LRCH2: variants seen among roughly 807,000 people sequenced by gnomAD.
The protein encoded by LRCH2 is leucine-rich repeat and calponin homology domain-containing protein 2.
In LRCH2, 38 loss-of-function variants were observed where a neutral mutation model predicts 68.9. That is an observed-to-expected ratio of 0.55 (90% CI 0.43 to 0.72). The LOEUF is 0.72. LRCH2 is among the 30% of genes least tolerant of loss of function. The pLI is 0.00. For synonymous variants in LRCH2, 191 were observed against 208.1 expected, an observed-to-expected ratio of 0.92 and a Z score of 0.71; for missense variants, 528 against 572.9, an observed-to-expected ratio of 0.92 and a Z score of 0.80.
chrX:115,114,317 T>C (rs1243852032), intron 20 of LRCH2, among the ~76,000 whole-genome samples: 1 of 111,273 alleles, frequency 9.0e-6, no homozygotes, highest in Non-Finnish European at 1.9e-5. Flanking sequence ...CCATCTTCAC[T>C]GCTATATTTG....
At chrX:115,206,148 A>G (rs1198763156) in intron 1 of LRCH2, among the ~76,000 whole-genome samples, 2 of 112,423 alleles carry the variant, frequency 1.8e-5, no homozygotes, top group East Asian at 5.6e-4. Flanking sequence ...ACAAAGTAAT[A>G]TTAGAAGCTC....
chrX:115,130,188 C>A lies in LRCH2; in HGVS notation c.1707G>T (p.Met569Ile). 1 of 1,025,962 alleles carries A rather than the reference C, an allele frequency of 9.7e-7. No homozygotes were observed. The highest frequency in any genetic ancestry group is 1.9e-5 in the African/African-American group (1 of 53,372). 84.6% of individuals were successfully genotyped at this position (1,025,962 alleles called of 1,213,427 possible). A position where few individuals can be genotyped will look rare whatever the true frequency, so the allele number is the denominator to read the frequency against. The change falls in exon 15 of 21, where the codon ATG (methionine) becomes ATT (isoleucine). Residue 569 changes from methionine (M) to isoleucine (I), a missense_variant. Physicochemically the swap from Met to Ile is conservative, Grantham distance 10. Transcript: ENST00000317135. ...IRKEYFKYKSMRKSSSGNEND... is the reference protein window; with the variant it reads ...IRKEYFKYKSIRKSSSGNEND... ...TTTCATTGCCACTTGAACTCTTCCT[C>A]ATTGATTTATACTGAAAAATATTTA...
At chrX:115,174,600 CCCACACA>C (rs781956569) in intron 5 of LRCH2, among the ~76,000 whole-genome samples, 19 of 87,218 alleles carry the variant, frequency 2.2e-4, no homozygotes, top group African/African-American at 6.7e-4. Flanking sequence ...CACCCCCCCC[CCCACACA>C]CACACACACA....
intron 1 of LRCH2, among the ~76,000 whole-genome samples, chrX:115,194,040 A>AC (rs1556562370): frequency 9.0e-6 from 1 of 110,982 alleles, no homozygotes; most frequent in Non-Finnish European, 1.9e-5. Flanking sequence ...GTAATGCTCA[A>AC]CTTCCTCATT....
chrX:115,145,264 C>T (rs1204920776), intron 14 of LRCH2, among the ~76,000 whole-genome samples: 1 of 111,420 alleles, frequency 9.0e-6, no homozygotes, highest in Non-Finnish European at 1.9e-5. Context: ...TGAAACTAGG[C>T]CCCTATCTCT....
chrX:115,218,011 G>T (rs1477257348), intron 1 of LRCH2, among the ~76,000 whole-genome samples: 1 of 111,284 alleles, frequency 9.0e-6, no homozygotes, highest in African/African-American at 3.3e-5. Flanking sequence ...ATGTTTGTTG[G>T]CTGCATAAAT....
chrX:115,195,239 G>A (rs986975287), intron 1 of LRCH2, among the ~76,000 whole-genome samples: 1 of 108,496 alleles, frequency 9.2e-6, no homozygotes, highest in Admixed American at 9.9e-5. Flanking sequence ...AGCCGAGATC[G>A]TGCCACTGCA....
At chrX:115,118,233 G>T (rs1001475196) in intron 20 of LRCH2, among the ~76,000 whole-genome samples, 2 of 109,249 alleles carry the variant, frequency 1.8e-5, no homozygotes, top group African/African-American at 3.3e-5. Flanking sequence ...CCAGGAGCTG[G>T]TTTTTTGAAA....
chrX:115,134,131 T>C (rs2072269178), intron 14 of LRCH2, among the ~76,000 whole-genome samples: 1 of 112,328 alleles, frequency 8.9e-6, no homozygotes, highest in African/African-American at 3.2e-5. Context: ...CAACATTCCC[T>C]TAAGACAAAG....
intron 1 of LRCH2, among the ~76,000 whole-genome samples, chrX:115,223,688 G>C (rs782101581): frequency 9.1e-6 from 1 of 109,793 alleles, no homozygotes; most frequent in East Asian, 2.9e-4. Context: ...AGCTGAGGCA[G>C]GTGGATCACC....
Position 115,111,905 on chromosome X carries a change from T to C in LRCH2, c.*1311A>G, listed in dbSNP as rs1556522834. 8.9e-6 allele frequency: 1 copy of C among 112,214 alleles called. No homozygotes were observed. 9.2% of individuals were successfully genotyped at this position (112,214 alleles called of 1,213,427 possible). ...TGATCACATACTTAAGATATGATGCTTGCTTGGTTACTACAAAAGTAATTA... is the reference window on the plus strand; with the variant it reads ...TGATCACATACTTAAGATATGATGCCTGCTTGGTTACTACAAAAGTAATTA... On this transcript the variant is annotated 3_prime_UTR_variant, in exon 21 of 21. Transcript: ENST00000317135.
chrX:115,188,197 C>A, intron 2 of LRCH2, 29 bp downstream of exon 2: 1 of 1,060,375 alleles, frequency 9.4e-7, no homozygotes, highest in South Asian at 2.7e-5. Flanking sequence ...CAATAAAAAC[C>A]AAAATTTATT....
chrX:115,219,025 C>T (rs1260315587), intron 1 of LRCH2, among the ~76,000 whole-genome samples: 1 of 111,828 alleles, frequency 8.9e-6, no homozygotes, highest in Non-Finnish European at 1.9e-5. Flanking sequence ...ATTTTATTTG[C>T]ATGTTAAGAT....
At chrX:115,146,902 TACATACACACACACACACACACAC>T (rs2072388091) in intron 14 of LRCH2, among the ~76,000 whole-genome samples, 1 of 53,901 alleles carries the variant, frequency 1.9e-5, no homozygotes, top group Non-Finnish European at 3.3e-5. Context: ...ATTTCTTACA[TACATACACACACACACACACACAC>T]ACACACACAC....
At chrX:115,124,092 A>G in intron 16 of LRCH2, 90 bp from the exon 17 acceptor site, 1 of 453,672 alleles carries the variant, frequency 2.2e-6, no homozygotes, top group Non-Finnish European at 3.4e-6. Flanking sequence ...ATCCATTCCA[A>G]TTTGGGGAAA....
chrX:115,207,646 C>T (rs2072978475), intron 1 of LRCH2, among the ~76,000 whole-genome samples: 1 of 112,018 alleles, frequency 8.9e-6, no homozygotes, highest in Admixed American at 9.5e-5. Flanking sequence ...ACAAACAGCA[C>T]TTGGGAAAAG....
intron 12 of LRCH2, among the ~76,000 whole-genome samples, chrX:115,154,531 G>T (rs141376997): frequency 2.5e-3 from 280 of 111,420 alleles, no homozygotes; most frequent in African/African-American, 8.3e-3. Flanking sequence ...TTCAACAATA[G>T]AAAGTGCTTC....
intron 1 of LRCH2, among the ~76,000 whole-genome samples, chrX:115,227,215 C>T (rs1556576600): frequency 9.2e-6 from 1 of 108,966 alleles, no homozygotes; most frequent in African/African-American, 3.4e-5. Context: ...CTTGAGCCCC[C>T]GAGTTAGAGC....
At chrX:115,191,841 C>T (rs371644998) in intron 1 of LRCH2, 75 of 1,144,647 alleles carry the variant, frequency 6.6e-5, no homozygotes, top group African/African-American at 3.2e-4. Flanking sequence ...ATGCCTACAG[C>T]GGGGGCCACA....
Sources: allele counts gnomAD v4.1 joint callset (sites outside exome capture counted in the v4.1 genomes callset), GRCh38; gene constraint gnomAD v4.1.1; transcripts MANE v1.5; gene names NCBI Gene and HGNC (gene_info 2026-07-23, HGNC 2026-07-21).